Variants in PAPPA2 observed in about 807,000 individuals in gnomAD.
The protein encoded by PAPPA2 is pappalysin-2.
A neutral mutation model predicts 176.4 loss-of-function variants in PAPPA2; 86 were observed. That is an observed-to-expected ratio of 0.49 (90% confidence interval 0.41 to 0.58). The LOEUF (loss-of-function observed/expected upper bound fraction) is 0.58. Ranked by LOEUF, PAPPA2 falls within the 20% of genes least tolerant of loss-of-function variation. PAPPA2 has a pLI of 0.00. For synonymous variants in PAPPA2, 809 were observed against 852.2 expected, an observed-to-expected ratio of 0.95 and a Z score of 0.88; for missense variants, 2,073 against 2,256.9, an observed-to-expected ratio of 0.92 and a Z score of 1.65.
intron 10 of PAPPA2, among the ~76,000 whole-genome samples, chr1:176,707,362 T>TCATC (rs1660922323): frequency 6.6e-6 from 1 of 152,148 alleles, no homozygotes; most frequent in African/African-American, 2.4e-5. Context: ...CTCCATAAAT[T>TCATC]CATCCATCCA....
At chr1:176,740,418 T>C (rs1662623295) in intron 14 of PAPPA2, among the ~76,000 whole-genome samples, 1 of 152,244 alleles carries the variant, frequency 6.6e-6, no homozygotes, top group Non-Finnish European at 1.5e-5. Context: ...ATAATTTTTA[T>C]GTAAATATTT....
intron 19 of PAPPA2, among the ~76,000 whole-genome samples, chr1:176,791,973 G>T (rs1436357158): frequency 6.6e-6 from 1 of 152,178 alleles, no homozygotes; most frequent in Non-Finnish European, 1.5e-5. Flanking sequence ...TGGATTTGTG[G>T]TATGGTTTGT....
chr1:176,827,360 C>T (rs1039443452), intron 21 of PAPPA2, among the ~76,000 whole-genome samples: 1 of 152,176 alleles, frequency 6.6e-6, no homozygotes, highest in Non-Finnish European at 1.5e-5. Context: ...TAGTTCCAAA[C>T]TTGCATCATT....
chr1:176,747,081 G>A lies in PAPPA2; in HGVS notation c.4151+6885G>A, dbSNP rs541986457. ...TGGAATCCAAGTAACTTGTTTCTGG[G>A]AAGGAAAGCTTCTATTATATAAATG... On this transcript the variant is annotated intron_variant, in intron 14 of 22. Coordinates refer to ENST00000367662, the MANE Select transcript of PAPPA2 (RefSeq NM_020318.3). Among the ~76,000 whole-genome samples the A allele has an allele frequency of 8.5e-5, 13 of 152,294 alleles. No homozygotes were observed. The East Asian group carries it at 1.7e-3, about 20-fold the overall frequency.
At chr1:176,467,762 C>T (rs1020817036) in intron 1 of PAPPA2, among the ~76,000 whole-genome samples, 1 of 152,168 alleles carries the variant, frequency 6.6e-6, no homozygotes, top group East Asian at 1.9e-4. Flanking sequence ...CAGTACAAAC[C>T]ACTTTCTCAA....
intron 3 of PAPPA2, among the ~76,000 whole-genome samples, chr1:176,652,606 A>T (rs1657792742): frequency 6.6e-6 from 1 of 151,684 alleles, no homozygotes; most frequent in Admixed American, 6.6e-5. Flanking sequence ...CTAAGGTACA[A>T]AGCAGAGTTT....
At chr1:176,819,827 C>T (rs1666583685) in intron 21 of PAPPA2, among the ~76,000 whole-genome samples, 1 of 152,214 alleles carries the variant, frequency 6.6e-6, no homozygotes, top group African/African-American at 2.4e-5. Flanking sequence ...TCTGCACTTT[C>T]AGTGCAGTCC....
intron 3 of PAPPA2, among the ~76,000 whole-genome samples, chr1:176,609,894 G>A (rs549072783): frequency 1.3e-5 from 2 of 152,292 alleles, no homozygotes; most frequent in African/African-American, 4.8e-5. Flanking sequence ...ATTCAGTGGT[G>A]GATTTGATGA....
At position 176,732,597 on chromosome 1, in the gene PAPPA2, G is replaced by A. The variant is rs557990997; in HGVS notation, c.3799-7029G>A. Among the ~76,000 whole-genome samples, 10 of 152,228 alleles carry A rather than the reference G, an allele frequency of 6.6e-5. No homozygotes were observed. In the South Asian group the frequency reaches 2.1e-3, roughly 32 times the overall value. On this transcript the variant is annotated intron_variant, in intron 12 of 22. Transcript: ENST00000367662. ...TATCTATTAATAGCTTTAAAGTCTT[G>A]TTACTCAAAATGTGGTTGGCATGCA... is the stretch of plus-strand genomic sequence containing the variant.
intron 14 of PAPPA2, among the ~76,000 whole-genome samples, chr1:176,751,528 G>C (rs1429766897): frequency 9.8e-6 from 1 of 101,636 alleles, no homozygotes; most frequent in African/African-American, 3.9e-5. Context: ...AAAAGTGGGC[G>C]AAGGACATGA....
chr1:176,543,518 G>A (rs753409928), intron 1 of PAPPA2, among the ~76,000 whole-genome samples: 23 of 151,974 alleles, frequency 1.5e-4, no homozygotes, highest in Non-Finnish European at 2.4e-4. Flanking sequence ...TAACTTTGTG[G>A]TTGATGTCTT....
chr1:176,685,227 A>T (rs893187328), intron 4 of PAPPA2, among the ~76,000 whole-genome samples: 1 of 152,182 alleles, frequency 6.6e-6, no homozygotes, highest in African/African-American at 2.4e-5. Context: ...GTTCTGGGAA[A>T]TAAGCTAAAT....
rs115016456 is a variant in PAPPA2 at position 176,714,937 on chromosome 1, T to C, written c.3798+2956T>C. Among the ~76,000 whole-genome samples the C allele has an allele frequency of 8.5e-3, 1,291 of 152,294 alleles. 23 individuals are homozygous for C. The highest frequency in any genetic ancestry group is 0.028 in the African/African-American group (1,181 of 41,566). On this transcript the variant is annotated intron_variant, in intron 12 of 22. Coordinates refer to ENST00000367662, the MANE Select transcript of PAPPA2 (RefSeq NM_020318.3). ...GTCAGGGAATCATCTTTGTGATTAC[T>C]AAATTTGTCATCAACATTTCCAGAA... is the stretch of plus-strand genomic sequence containing the variant.
At chr1:176,578,647 G>T (rs774688586) in intron 2 of PAPPA2, among the ~76,000 whole-genome samples, 67 of 152,128 alleles carry the variant, frequency 4.4e-4, no homozygotes, top group Admixed American at 1.3e-4. Flanking sequence ...CTTTTACTAA[G>T]GTAGTCAAGG....
At chr1:176,622,286 A>T (rs886359810) in intron 3 of PAPPA2, among the ~76,000 whole-genome samples, 10 of 152,218 alleles carry the variant, frequency 6.6e-5, no homozygotes, top group African/African-American at 2.2e-4. Flanking sequence ...AATATTTTAC[A>T]TTTATTTCAT....
intron 3 of PAPPA2, among the ~76,000 whole-genome samples, chr1:176,613,879 G>A (rs773385265): frequency 6.6e-6 from 1 of 152,162 alleles, no homozygotes; most frequent in Admixed American, 6.5e-5. Flanking sequence ...TGTTGTCCAC[G>A]GTGGGGCCCC....
At chr1:176,543,250 G>A (rs1198182252) in intron 1 of PAPPA2, among the ~76,000 whole-genome samples, 2 of 152,172 alleles carry the variant, frequency 1.3e-5, no homozygotes, top group Non-Finnish European at 2.9e-5. Flanking sequence ...TCTTCCATAT[G>A]TGTGTCAATG....
At chr1:176,832,012 C>T (rs931292014) in intron 21 of PAPPA2, among the ~76,000 whole-genome samples, 1 of 152,110 alleles carries the variant, frequency 6.6e-6, no homozygotes, top group African/African-American at 2.4e-5. Context: ...ATGGAGCATG[C>T]CTGGTTTTGA....
chr1:176,816,287 TCTA>T lies in PAPPA2; in HGVS notation c.5202+16158_5202+16160del, dbSNP rs536827185. Among the ~76,000 whole-genome samples the T allele has an allele frequency of 5.4e-3, 777 of 143,782 alleles. 12 individuals are homozygous for T. Among genetic ancestry groups the T allele is most frequent in the African/African-American group, 0.019 (716 of 38,384 alleles). The allele number at this position is 143,782 out of a possible 152,430, so 94.3% of individuals were successfully genotyped here. On this transcript the variant is annotated intron_variant, in intron 21 of 22. Transcript: ENST00000367662. ...TATGTACACACGTATATATAATGCTTCTACTGCTAATCTTAATTTTTTGATTTA... is the reference window on the plus strand; with the variant it reads ...TATGTACACACGTATATATAATGCTTCTGCTAATCTTAATTTTTTGATTTA...
Sources: allele counts gnomAD v4.1 joint callset (sites outside exome capture counted in the v4.1 genomes callset), GRCh38; gene constraint gnomAD v4.1.1; transcripts MANE v1.5; gene names NCBI Gene and HGNC (gene_info 2026-07-23, HGNC 2026-07-21).